PDE4D: variants seen among roughly 807,000 people sequenced by gnomAD.
PDE4D encodes the protein 3',5'-cyclic-AMP phosphodiesterase 4D.
Under a neutral mutation model 87.4 loss-of-function variants are expected in PDE4D, and 24 were observed. The observed-to-expected ratio is 0.27, with a 90% CI of 0.20 to 0.39. The LOEUF (loss-of-function observed/expected upper bound fraction) is 0.39. Among genes scored for constraint, PDE4D ranks in the 10% least tolerant of loss-of-function variants. The pLI, the probability that PDE4D is intolerant of heterozygous loss-of-function variation, is 1.00. For missense variants in PDE4D, 714 were observed against 1,041.0 expected (o/e 0.69, Z 4.32); for synonymous variants, 384 against 383.2 (o/e 1.00, Z -0.02).
At chr5:60,449,649 T>A (rs1295248742) in intron 1 of PDE4D, among the ~76,000 whole-genome samples, 1 of 145,796 alleles carries the variant, frequency 6.9e-6, no homozygotes, top group African/African-American at 2.5e-5. Flanking sequence ...ATAATAATAA[T>A]AAATAAAATA....
At chr5:60,376,879 CAT>C (rs1264311941) in intron 1 of PDE4D, among the ~76,000 whole-genome samples, 1 of 152,208 alleles carries the variant, frequency 6.6e-6, no homozygotes, top group African/African-American at 2.4e-5. Flanking sequence ...ACCTCTGATC[CAT>C]GGTCCTTCAA....
chr5:59,205,516 T>C (rs1748544691), intron 2 of PDE4D, among the ~76,000 whole-genome samples: 1 of 152,140 alleles, frequency 6.6e-6, no homozygotes, highest in Non-Finnish European at 1.5e-5. Flanking sequence ...ATTTAGACTA[T>C]TCTGAAGGCA....
intron 3 of PDE4D, among the ~76,000 whole-genome samples, chr5:59,975,176 A>G (rs760298570): frequency 2.0e-5 from 3 of 152,100 alleles, no homozygotes; most frequent in African/African-American, 4.8e-5. Flanking sequence ...TTCACTGAAA[A>G]CTGCCCACCT....
intron 2 of PDE4D, among the ~76,000 whole-genome samples, chr5:60,041,766 C>A (rs776493112): frequency 6.6e-6 from 1 of 152,144 alleles, no homozygotes; most frequent in Non-Finnish European, 1.5e-5. Context: ...TGGTGCATTC[C>A]GGCCCAGATA....
chr5:59,840,312 C>A (rs180935901), intron 1 of PDE4D, among the ~76,000 whole-genome samples: 7 of 151,084 alleles, frequency 4.6e-5, no homozygotes, highest in South Asian at 2.1e-4. Flanking sequence ...CATCTTGGCA[C>A]GAATCACTCT....
intron 2 of PDE4D, among the ~76,000 whole-genome samples, chr5:60,103,989 G>A (rs1339820369): frequency 2.0e-5 from 3 of 152,158 alleles, no homozygotes; most frequent in South Asian, 2.1e-4. Flanking sequence ...ATCTCACTAG[G>A]GAGTGCCAGA....
At chr5:59,655,397 A>G (rs770957272) in intron 1 of PDE4D, among the ~76,000 whole-genome samples, 3 of 152,178 alleles carry the variant, frequency 2.0e-5, no homozygotes, top group Non-Finnish European at 4.4e-5. Context: ...TAAGTTCCTC[A>G]CTGCAATACC....
chr5:59,099,597 T>C (rs1377403800), intron 5 of PDE4D, among the ~76,000 whole-genome samples: 1 of 152,226 alleles, frequency 6.6e-6, no homozygotes, highest in Admixed American at 6.5e-5. Context: ...AAGAGCAGAA[T>C]GTTCCACACT....
At chr5:59,031,378 TA>T (rs1409201228) in intron 6 of PDE4D, among the ~76,000 whole-genome samples, 46 of 64,562 alleles carry the variant, frequency 7.1e-4, no homozygotes, top group Middle Eastern at 7.8e-3. Context: ...TATATATATA[TA>T]TATATATATA....
At chr5:60,413,341 C>A (rs1451519627) in intron 1 of PDE4D, among the ~76,000 whole-genome samples, 1 of 152,028 alleles carries the variant, frequency 6.6e-6, no homozygotes, top group Non-Finnish European at 1.5e-5. Context: ...ACTTTTTTTC[C>A]AATCTGAAGG....
chr5:60,065,882 CAG>C, intron 2 of PDE4D, among the ~76,000 whole-genome samples: 1 of 152,136 alleles, frequency 6.6e-6, no homozygotes, highest in African/African-American at 2.4e-5. Flanking sequence ...GTGAATAGTG[CAG>C]CTATAAACAT....
At chr5:59,544,197 A>G (rs1816868696) in intron 1 of PDE4D, among the ~76,000 whole-genome samples, 1 of 152,196 alleles carries the variant, frequency 6.6e-6, no homozygotes, top group African/African-American at 2.4e-5. Context: ...AACTGGCAAC[A>G]CATTCCTGGA....
chr5:59,967,036 A>G (rs768510743), intron 3 of PDE4D, among the ~76,000 whole-genome samples: 1 of 152,182 alleles, frequency 6.6e-6, no homozygotes, highest in Admixed American at 6.6e-5. Flanking sequence ...GGGAATTTTT[A>G]TGGCGAGCTG....
intron 1 of PDE4D, among the ~76,000 whole-genome samples, chr5:59,702,953 G>A (rs1047511061): frequency 2.0e-5 from 3 of 149,154 alleles, no homozygotes; most frequent in African/African-American, 7.4e-5. Context: ...AAGTGAAAAA[G>A]TGAGCTTCTT....
At chr5:59,925,276 A>T (rs529275477) in intron 3 of PDE4D, among the ~76,000 whole-genome samples, 20 of 152,164 alleles carry the variant, frequency 1.3e-4, no homozygotes, top group Non-Finnish European at 2.4e-4. Flanking sequence ...TTGTTTATGC[A>T]ATCAGTTTTA....
In PDE4D at chr5:59,038,789, G is replaced by A. The variant is rs946583239; in HGVS notation, c.921+70C>T. ...TCTCAATTTATTTCCCGGGGCTATG[G>A]GTACCAGTGGCTCGCCGGCATGGGA... On this transcript the variant is annotated intron_variant, in intron 6 of 14. Transcript: ENST00000340635. 10 of 1,341,560 alleles carry A rather than the reference G, an allele frequency of 7.5e-6. No homozygotes were observed. The South Asian group carries it at 1.6e-4, about 22-fold the overall frequency. 83.1% of individuals were successfully genotyped at this position (1,341,560 alleles called of 1,614,324 possible).
chr5:60,098,667 T>C (rs1775941147), intron 2 of PDE4D, among the ~76,000 whole-genome samples: 1 of 152,072 alleles, frequency 6.6e-6, no homozygotes, highest in Non-Finnish European at 1.5e-5. Flanking sequence ...TTTAAGTTTT[T>C]TGATGAAGTT....
At chr5:59,397,424 T>C (rs1582378688) in intron 1 of PDE4D, among the ~76,000 whole-genome samples, 1 of 118,814 alleles carries the variant, frequency 8.4e-6, no homozygotes, top group South Asian at 2.8e-4. Flanking sequence ...GGATTAAGAA[T>C]CTCACTCAAA....
intron 5 of PDE4D, among the ~76,000 whole-genome samples, chr5:59,100,210 C>T (rs1031237299): frequency 5.3e-5 from 8 of 152,214 alleles, no homozygotes; most frequent in Non-Finnish European, 7.3e-5. Context: ...ACATCTTTGG[C>T]GGTGCGCCAC....
Sources: allele counts gnomAD v4.1 joint callset (sites outside exome capture counted in the v4.1 genomes callset), GRCh38; gene constraint gnomAD v4.1.1; transcripts MANE v1.5; gene names NCBI Gene and HGNC (gene_info 2026-07-23, HGNC 2026-07-21).